DACH1: variants seen among roughly 807,000 people sequenced by gnomAD.
The protein encoded by DACH1 is dachshund homolog 1.
In DACH1, 12 loss-of-function variants were observed where a neutral mutation model predicts 54.2. That is an observed-to-expected ratio of 0.22 (90% CI 0.14 to 0.36). The LOEUF (loss-of-function observed/expected upper bound fraction) is 0.36. Among genes scored for constraint, DACH1 ranks in the 10% least tolerant of loss-of-function variants. DACH1 has a pLI of 1.00. For synonymous variants in DACH1, 386 were observed against 366.2 expected, an observed-to-expected ratio of 1.05 and a Z score of -0.62; for missense variants, 805 against 929.8, an observed-to-expected ratio of 0.87 and a Z score of 1.75.
At chr13:71,559,703 A>G (rs958812113) in intron 5 of DACH1, 117 bp downstream of exon 5, 11 of 1,322,832 alleles carry the variant, frequency 8.3e-6, no homozygotes, top group Non-Finnish European at 1.2e-5. Flanking sequence ...CTATTGCTAC[A>G]GAGTTTCAGA....
chr13:71,845,444 T>C (rs530838849), intron 1 of DACH1, among the ~76,000 whole-genome samples: 8 of 152,178 alleles, frequency 5.3e-5, no homozygotes, highest in South Asian at 2.1e-4. Context: ...CATCAAAAAA[T>C]GGCAAACTAA....
Position 71,705,443 on chromosome 13 carries a change from A to T in DACH1, c.849-23533T>A, listed in dbSNP as rs199650779. ...CCTGTCTGCAAATGAGCACTTGCTT[A>T]TAAGTAGATAAGGACTGCTGAAGTG... On this transcript the variant is annotated intron_variant, in intron 1 of 10. Coordinates refer to ENST00000613252, the MANE Select transcript of DACH1 (RefSeq NM_080759.6). Among the ~76,000 whole-genome samples, 16 of 152,330 alleles carry T rather than the reference A, an allele frequency of 1.1e-4. No individual in the cohort carries two copies. The East Asian group carries it at 2.9e-3, about 28-fold the overall frequency.
chr13:71,789,890 C>A (rs748676), intron 1 of DACH1, among the ~76,000 whole-genome samples: 23,529 of 152,066 alleles, frequency 0.15, 3,629 homozygotes, highest in East Asian at 0.84. Flanking sequence ...GGGTCTGTGA[C>A]AATGCAGGCC....
At chr13:71,619,527 A>C (rs898097925) in intron 3 of DACH1, among the ~76,000 whole-genome samples, 4 of 152,032 alleles carry the variant, frequency 2.6e-5, no homozygotes, top group African/African-American at 7.2e-5. Flanking sequence ...AAGATAACTT[A>C]ATCGTCAACA....
intron 1 of DACH1, among the ~76,000 whole-genome samples, chr13:71,847,889 C>G (rs1302413999): frequency 6.6e-6 from 1 of 152,110 alleles, no homozygotes; most frequent in Non-Finnish European, 1.5e-5. Context: ...ATTGGACAGG[C>G]ACCAAGTTTT....
intron 2 of DACH1, among the ~76,000 whole-genome samples, chr13:71,669,328 A>C (rs1880071696): frequency 6.6e-6 from 1 of 152,110 alleles, no homozygotes; most frequent in Non-Finnish European, 1.5e-5. Context: ...CTCCTGTCAG[A>C]TCAGTGAGGA....
At chr13:71,734,102 G>A (rs116423630) in intron 1 of DACH1, among the ~76,000 whole-genome samples, 4,326 of 145,486 alleles carry the variant, frequency 0.03, 420 homozygotes, top group African/African-American at 0.11. Context: ...ATGTGTGTGT[G>A]TATATATATA....
chr13:71,608,882 T>C (rs1875093276), intron 3 of DACH1, among the ~76,000 whole-genome samples: 1 of 152,054 alleles, frequency 6.6e-6, no homozygotes, highest in Non-Finnish European at 1.5e-5. Context: ...TACATGGGCA[T>C]AGTTTGAGGA....
intron 1 of DACH1, among the ~76,000 whole-genome samples, chr13:71,687,369 T>A (rs561315721): frequency 6.6e-6 from 1 of 152,126 alleles, no homozygotes; most frequent in South Asian, 2.1e-4. Context: ...CATACAGGAA[T>A]GCTTACTTTC....
intron 1 of DACH1, among the ~76,000 whole-genome samples, chr13:71,849,112 CATA>C (rs773680005): frequency 2.0e-5 from 3 of 149,688 alleles, no homozygotes; most frequent in Non-Finnish European, 4.4e-5. Flanking sequence ...TTTGAAATAA[CATA>C]ATGATATTTT....
intron 5 of DACH1, among the ~76,000 whole-genome samples, chr13:71,559,251 T>C (rs894501239): frequency 2.6e-5 from 4 of 152,130 alleles, no homozygotes; most frequent in South Asian, 2.1e-4. Context: ...TAACAATATA[T>C]GGCAATACTA....
intron 1 of DACH1, among the ~76,000 whole-genome samples, chr13:71,747,600 T>C (rs1038797916): frequency 6.6e-6 from 1 of 151,734 alleles, no homozygotes; most frequent in African/African-American, 2.4e-5. Flanking sequence ...AAAAAGAAAA[T>C]CAGGCATCCC....
chr13:71,663,182 T>C (rs1364734606), intron 2 of DACH1, among the ~76,000 whole-genome samples: 1 of 148,298 alleles, frequency 6.7e-6, no homozygotes, highest in Non-Finnish European at 1.5e-5. Context: ...GTGTGTAACT[T>C]CTCCAATTGA....
At chr13:71,543,192 A>C (rs2138337105) in intron 6 of DACH1, among the ~76,000 whole-genome samples, 1 of 152,290 alleles carries the variant, frequency 6.6e-6, no homozygotes, top group Middle Eastern at 3.4e-3. Flanking sequence ...TGAAGGACTT[A>C]GGTTCACTAC....
At chr13:71,685,316 C>T (rs1180753838) in intron 1 of DACH1, among the ~76,000 whole-genome samples, 1 of 152,172 alleles carries the variant, frequency 6.6e-6, no homozygotes, top group Non-Finnish European at 1.5e-5. Flanking sequence ...TAAAACCTTT[C>T]ATTAAAATGC....
At chr13:71,700,459 G>A (rs1882069253) in intron 1 of DACH1, among the ~76,000 whole-genome samples, 1 of 151,610 alleles carries the variant, frequency 6.6e-6, no homozygotes, top group African/African-American at 2.4e-5. Context: ...AAGAGGCTGA[G>A]GCAGGAGAAT....
intron 6 of DACH1, among the ~76,000 whole-genome samples, chr13:71,504,368 C>A (rs532231236): frequency 6.6e-6 from 1 of 152,116 alleles, no homozygotes. Flanking sequence ...TTCCTGTTAT[C>A]TTCTGCTTTG....
chr13:71,609,959 T>A (rs1350551594), intron 3 of DACH1, among the ~76,000 whole-genome samples: 1 of 152,160 alleles, frequency 6.6e-6, no homozygotes, highest in Non-Finnish European at 1.5e-5. Flanking sequence ...AAGGACATCA[T>A]ATATCAGGGA....
At chr13:71,461,210 T>C (rs1593728895) in intron 10 of DACH1, among the ~76,000 whole-genome samples, 1 of 152,058 alleles carries the variant, frequency 6.6e-6, no homozygotes, top group Non-Finnish European at 1.5e-5. Context: ...CTTAAGTGCC[T>C]AACACAATGG....
Sources: allele counts gnomAD v4.1 joint callset (sites outside exome capture counted in the v4.1 genomes callset), GRCh38; gene constraint gnomAD v4.1.1; transcripts MANE v1.5; gene names NCBI Gene and HGNC (gene_info 2026-07-23, HGNC 2026-07-21).